The following PRKCQ variants were observed in gnomAD, a reference collection of about 807,000 sequenced individuals.
PRKCQ encodes protein kinase C theta type.
Under a neutral mutation model 91.2 loss-of-function variants are expected in PRKCQ, and 41 were observed. The ratio of observed to expected loss-of-function variants is 0.45; its 90% CI spans 0.35 to 0.58. PRKCQ has a LOEUF of 0.58. PRKCQ is among the 20% of genes least tolerant of loss of function. The pLI, the probability that PRKCQ is intolerant of heterozygous loss-of-function variation, is 0.00. For missense variants in PRKCQ, 673 were observed against 896.5 expected (o/e 0.75, Z 3.18); for synonymous variants, 307 against 316.9 (o/e 0.97, Z 0.33).
downstream of PRKCQ, among the ~76,000 whole-genome samples, chr10:6,426,944 C>G (rs1302005721): frequency 6.6e-6 from 1 of 152,192 alleles, no homozygotes; most frequent in Admixed American, 6.5e-5. Context: ...CCATATTGGC[C>G]AGGCTGGTCT....
intron 5 of PRKCQ, among the ~76,000 whole-genome samples, 180 bp downstream of exon 5, chr10:6,498,216 C>A (rs370325657): frequency 5.0e-4 from 76 of 152,188 alleles, no homozygotes; most frequent in African/African-American, 1.8e-3. Flanking sequence ...CTTCCTCATG[C>A]ACCTCTTTTA....
chr10:6,416,630 T>G, the PRKCQ span, among the ~76,000 whole-genome samples: 844 of 152,334 alleles, frequency 5.5e-3, 9 homozygotes, highest in African/African-American at 0.019. Context: ...GCACTTAGGT[T>G]GGTTTCATAT....
intron 1 of PRKCQ, among the ~76,000 whole-genome samples, chr10:6,569,424 G>A (rs1840951876): frequency 1.3e-5 from 2 of 152,054 alleles, no homozygotes; most frequent in South Asian, 2.1e-4. Flanking sequence ...GGAGGAACCC[G>A]ATGTGAGGGC....
intron 1 of PRKCQ, among the ~76,000 whole-genome samples, chr10:6,532,824 G>T (rs553726005): frequency 1.3e-5 from 2 of 152,300 alleles, no homozygotes; most frequent in East Asian, 3.9e-4. Context: ...AAATCTAAGA[G>T]ATATTGGTAA....
At chr10:6,575,929 A>G (rs1042087254) in intron 1 of PRKCQ, among the ~76,000 whole-genome samples, 7 of 152,162 alleles carry the variant, frequency 4.6e-5, no homozygotes, top group African/African-American at 1.7e-4. Context: ...AGTCCCAGCT[A>G]CTCAGGAGGC....
At chr10:6,404,809 C>CTTTCATTCTTTCTTTCCT in the PRKCQ span, among the ~76,000 whole-genome samples, 2 of 132,174 alleles carry the variant, frequency 1.5e-5, no homozygotes. Context: ...CTTTCTCTCT[C>CTTTCATTCTTTCTTTCCT]TCTTTCATTC....
Position 6,522,088 on chromosome 10 carries a change from C to T in PRKCQ, c.-9-6944G>A, listed in dbSNP as rs143948866. Reference sequence around the variant, plus strand: ...CTCCCGAGTAGCGGGATTACAGGTGCGTGCCACCACGCCCGGCTAAGTTTT... The same window carrying T: ...CTCCCGAGTAGCGGGATTACAGGTGTGTGCCACCACGCCCGGCTAAGTTTT... On this transcript the variant is annotated intron_variant, in intron 1 of 17. Transcript: ENST00000263125. 1.3e-3 allele frequency among the ~76,000 whole-genome samples: 201 copies of T among 152,200 alleles called. 1 individual carries two copies. The highest frequency in any genetic ancestry group is 4.5e-3 in the African/African-American group (188 of 41,532).
At chr10:6,511,237 C>A (rs1435922726) in intron 2 of PRKCQ, 43 bp from the exon 3 acceptor site, 1 of 1,583,184 alleles carries the variant, frequency 6.3e-7, no homozygotes, top group Non-Finnish European at 8.7e-7. Flanking sequence ...TTCAGCCAGG[C>A]CTGGAAAATA....
At chr10:6,502,177 G>C (rs977550596) in intron 4 of PRKCQ, among the ~76,000 whole-genome samples, 1 of 152,218 alleles carries the variant, frequency 6.6e-6, no homozygotes, top group African/African-American at 2.4e-5. Flanking sequence ...CGATGTGTCA[G>C]AACAGAGGTA....
chr10:6,493,391 C>T (rs888039255), intron 7 of PRKCQ, among the ~76,000 whole-genome samples: 9 of 152,014 alleles, frequency 5.9e-5, no homozygotes, highest in African/African-American at 1.9e-4. Flanking sequence ...TTGCTTTTTC[C>T]TTTATTTAAT....
In PRKCQ at chr10:6,430,691, G is replaced by A. The variant is rs961540177; in HGVS notation, c.1965+119C>T. Reference sequence around the variant, plus strand: ...AGACGTGCATTCCTCCTGGAGAGTGGGGCTGGTGGGGAGTTGGGGCACCGG... The same window carrying A: ...AGACGTGCATTCCTCCTGGAGAGTGAGGCTGGTGGGGAGTTGGGGCACCGG... On this transcript the variant is annotated intron_variant, in intron 17 of 17. Coordinates refer to ENST00000263125, the MANE Select transcript of PRKCQ (RefSeq NM_006257.5). This position sits in a 1 kb window ranked among gnomAD's most constrained non-coding sequence, Gnocchi z 4.7. The A allele has an allele frequency of 5.7e-6, 8 of 1,392,158 alleles. No homozygotes were observed. The highest frequency in any genetic ancestry group is 2.0e-4 in the Middle Eastern group (1 of 4,902). The allele number at this position is 1,392,158 out of a possible 1,614,324, so 86.2% of individuals were successfully genotyped here.
At chr10:6,409,237 A>T in the PRKCQ span, among the ~76,000 whole-genome samples, 1 of 152,210 alleles carries the variant, frequency 6.6e-6, no homozygotes, top group East Asian at 1.9e-4. Flanking sequence ...AGGCATTAAT[A>T]TGGGTGTTCC....
At chr10:6,516,576 G>A (rs1838767087) in intron 1 of PRKCQ, among the ~76,000 whole-genome samples, 1 of 152,064 alleles carries the variant, frequency 6.6e-6, no homozygotes, top group South Asian at 2.1e-4. Context: ...GGGCCAATTG[G>A]GTCTTTTAGA....
chr10:6,536,743 C>A (rs1839597553), intron 1 of PRKCQ, among the ~76,000 whole-genome samples: 1 of 152,166 alleles, frequency 6.6e-6, no homozygotes, highest in Non-Finnish European at 1.5e-5. Flanking sequence ...CCCAAATCAT[C>A]TTCCCGACAC....
At chr10:6,449,065 G>A (rs1258740005) in intron 15 of PRKCQ, among the ~76,000 whole-genome samples, 4 of 151,786 alleles carry the variant, frequency 2.6e-5, no homozygotes, top group African/African-American at 7.2e-5. Flanking sequence ...CACCAGCAAC[G>A]GAACAAAGCT....
intron 12 of PRKCQ, among the ~76,000 whole-genome samples, chr10:6,467,874 C>G (rs1402408084): frequency 1.3e-5 from 2 of 152,104 alleles, no homozygotes; most frequent in Non-Finnish European, 2.9e-5. Flanking sequence ...GTAATCAAAG[C>G]TGTATGACTC....
At chr10:6,471,266 T>C (rs564671291) in intron 12 of PRKCQ, among the ~76,000 whole-genome samples, 1 of 152,282 alleles carries the variant, frequency 6.6e-6, no homozygotes, top group Non-Finnish European at 1.5e-5. Flanking sequence ...ATTATTTACA[T>C]AGACAAGGTA....
chr10:6,405,462 T>C, the PRKCQ span, among the ~76,000 whole-genome samples: 1 of 152,240 alleles, frequency 6.6e-6, no homozygotes, highest in African/African-American at 2.4e-5. Flanking sequence ...CTCACTGCCT[T>C]GCTGGCAGGT....
At chr10:6,514,985 C>T in intron 2 of PRKCQ, 33 bp downstream of exon 2, 1 of 1,611,922 alleles carries the variant, frequency 6.2e-7, no homozygotes, top group South Asian at 1.1e-5. Context: ...TTCTCCTCCT[C>T]CTCCCCCGCT....
Sources: gnomAD v4.1 joint callset for allele counts (sites outside exome capture counted in the v4.1 genomes callset) on GRCh38, gnomAD v4.1.1 for gene constraint, Gnocchi (gnomAD v3.1) non-coding constraint, MANE v1.5 for transcripts, NCBI Gene and HGNC (gene_info 2026-07-23, HGNC 2026-07-21) for gene names.